The following LDB3 variants were observed in gnomAD, a reference collection of about 807,000 sequenced individuals.
LDB3 encodes LIM domain-binding protein 3.
Under a neutral mutation model 69.0 loss-of-function variants are expected in LDB3, and 49 were observed. The observed-to-expected ratio is 0.71, with a 90% confidence interval of 0.56 to 0.90. The LOEUF (loss-of-function observed/expected upper bound fraction) is 0.90, where lower values mean the gene tolerates loss of function less well. Among genes scored for constraint, LDB3 ranks in the 40% least tolerant of loss-of-function variants. LDB3 has a pLI of 0.00. For missense variants in LDB3, 928 were observed against 974.1 expected (o/e 0.95, Z 0.63); for synonymous variants, 387 against 396.2 (o/e 0.98, Z 0.28).
At chr10:86,720,334 C>T (rs932224922) in intron 12 of LDB3, among the ~76,000 whole-genome samples, 2 of 152,036 alleles carry the variant, frequency 1.3e-5, no homozygotes, top group African/African-American at 2.4e-5. Context: ...ATCCCAGCTA[C>T]TCGGGAGGCT....
intron 2 of LDB3, among the ~76,000 whole-genome samples, chr10:86,675,182 GCAT>G (rs1224867030): frequency 2.1e-5 from 3 of 140,304 alleles, no homozygotes; most frequent in African/African-American, 7.3e-5. Flanking sequence ...TTGGGAGCAA[GCAT>G]CCCCCCGGCC....
In LDB3 at chr10:86,709,888, T is replaced by C; in HGVS notation, c.1086-17T>C. On this transcript the variant is annotated splice_polypyrimidine_tract_variant and intron_variant, in intron 8 of 13. Coordinates refer to ENST00000361373, the MANE Select transcript of LDB3 (RefSeq NM_007078.3). ...GGGCTGTCCTTCTGGGTGTAACCCC[T>C]CCCCGCTTGGTTCCAGGCCCCAGGC... 6.2e-7 allele frequency: 1 copy of C among 1,607,088 alleles called. No individual in the cohort carries two copies. Among genetic ancestry groups the C allele is most frequent in the Non-Finnish European group, 8.5e-7 (1 of 1,179,894 alleles).
At chr10:86,687,999 T>C (rs1845576552) in intron 5 of LDB3, among the ~76,000 whole-genome samples, 1 of 151,860 alleles carries the variant, frequency 6.6e-6, no homozygotes, top group African/African-American at 2.4e-5. Flanking sequence ...GTATGTCTCT[T>C]TCTGTCTTCC....
intron 2 of LDB3, among the ~76,000 whole-genome samples, chr10:86,675,527 C>T (rs1448166060): frequency 6.6e-6 from 1 of 152,270 alleles, no homozygotes; most frequent in African/African-American, 2.4e-5. Context: ...GGGACGACCC[C>T]TTCTCTGTAG....
rs1030546921 is a variant in LDB3 at position 86,706,624 on chromosome 10, T to C, written c.990T>C (p.Ser330=). 3.7e-6 allele frequency: 6 copies of C among 1,613,050 alleles called. No homozygotes were observed. The highest frequency in any genetic ancestry group is 1.7e-5 in the Admixed American group (1 of 59,988). Residue 330 remains serine, a synonymous_variant, in exon 8 of 14, where the codon AGT becomes AGC. Coordinates refer to ENST00000361373, the MANE Select transcript of LDB3 (RefSeq NM_007078.3). ...AGCCACCTGCTGCTGCCTCTCCCAG[T>C]GCGGCTTCGCCACCCCTGGCCACAG... ...SAQPPAAASP[S]AASPPLATAA...
At chr10:86,720,000 C>T (rs1847018761) in intron 12 of LDB3, among the ~76,000 whole-genome samples, 1 of 152,094 alleles carries the variant, frequency 6.6e-6, no homozygotes, top group East Asian at 1.9e-4. Context: ...AATAACAGAG[C>T]TGCAGGGACT....
At chr10:86,692,926 A>G (rs1845835380) in intron 7 of LDB3, among the ~76,000 whole-genome samples, 1 of 152,188 alleles carries the variant, frequency 6.6e-6, no homozygotes, top group Admixed American at 6.5e-5. Context: ...CCACCCACTC[A>G]TCTCAGGGCC....
intron 9 of LDB3, 25 bp downstream of exon 9, chr10:86,710,075 G>A: frequency 2.5e-6 from 4 of 1,610,038 alleles, no homozygotes; most frequent in South Asian, 1.1e-5. Context: ...AGGAGGGGAG[G>A]CTGTCGAAAG....
At chr10:86,729,556 T>C (rs781778349) in intron 13 of LDB3, among the ~76,000 whole-genome samples, 3 of 152,188 alleles carry the variant, frequency 2.0e-5, no homozygotes, top group Non-Finnish European at 4.4e-5. Context: ...GTCAGCACTG[T>C]CCATGGTCGC....
chr10:86,696,962 T>C (rs938265941), intron 7 of LDB3, among the ~76,000 whole-genome samples: 12 of 152,186 alleles, frequency 7.9e-5, no homozygotes, highest in African/African-American at 1.2e-4. Flanking sequence ...TTTTCAAATA[T>C]GTTATATGTT....
At chr10:86,732,182 G>C (rs1847491236) in intron 13 of LDB3, among the ~76,000 whole-genome samples, 1 of 151,598 alleles carries the variant, frequency 6.6e-6, no homozygotes, top group Admixed American at 6.6e-5. Context: ...TTAATTATTA[G>C]TGAGTACAAT....
chr10:86,718,202 G>C, intron 11 of LDB3, 58 bp downstream of exon 11: 1 of 1,527,072 alleles, frequency 6.5e-7, no homozygotes, highest in Admixed American at 1.7e-5. Context: ...CCTTCCCCAA[G>C]ATCGTGGGAT....
chr10:86,674,522 T>C (rs1045746784), intron 2 of LDB3, among the ~76,000 whole-genome samples: 2 of 152,188 alleles, frequency 1.3e-5, no homozygotes, highest in African/African-American at 4.8e-5. Context: ...GCAGCCTTTC[T>C]TGGGGGCTTT....
At chr10:86,700,009 G>A (rs1225461709) in intron 7 of LDB3, 8 of 986,932 alleles carry the variant, frequency 8.1e-6, no homozygotes, top group Non-Finnish European at 9.6e-6. Flanking sequence ...GTACATATAA[G>A]CATGCTTGTT....
Position 86,721,342 on chromosome 10 carries a change from G to A in LDB3, c.1978+2495G>A, listed in dbSNP as rs1589680275. On this transcript the variant is annotated intron_variant, in intron 12 of 13. Transcript: ENST00000361373. ...CAACAATTTGGAAGAAGACACAGAA[G>A]GGAGTCCTGTCAAATCTGCAGATTG... is the stretch of plus-strand genomic sequence containing the variant. 2.0e-5 allele frequency among the ~76,000 whole-genome samples: 3 copies of A among 152,222 alleles called. No homozygotes were observed. In the South Asian group the frequency reaches 6.2e-4, roughly 32 times the overall value.
intron 12 of LDB3, among the ~76,000 whole-genome samples, chr10:86,723,577 G>A (rs1044989688): frequency 2.0e-5 from 3 of 152,222 alleles, no homozygotes; most frequent in Non-Finnish European, 4.4e-5. Flanking sequence ...GAAGTCGTAA[G>A]TGGGTGCAGG....
chr10:86,668,842 C>T, intron 2 of LDB3, 58 bp downstream of exon 2: 5 of 1,270,426 alleles, frequency 3.9e-6, no homozygotes, highest in Non-Finnish European at 5.7e-6. Flanking sequence ...TGGAGGAGGG[C>T]ATGTGTGTCC....
chr10:86,676,551 C>T (rs1416465518), intron 2 of LDB3, among the ~76,000 whole-genome samples: 2 of 119,422 alleles, frequency 1.7e-5, no homozygotes, highest in African/African-American at 6.5e-5. Flanking sequence ...GGCATCAGAG[C>T]AAGACCCTGT....
Position 86,691,885 on chromosome 10 carries a change from C to G in LDB3, c.690-11C>G. 6.2e-7 allele frequency: 1 copy of G among 1,614,108 alleles called. No individual in the cohort carries two copies. On this transcript the variant is annotated splice_polypyrimidine_tract_variant and intron_variant, in intron 5 of 13. Transcript: ENST00000361373. The stretch of plus-strand genomic sequence containing the variant: ...CCTAGCCCTCGCCCACGGCCTCTCT[C>G]TGCATTACAGGAGCCTCCCTATTAA...
Sources: gnomAD v4.1 joint callset for allele counts (sites outside exome capture counted in the v4.1 genomes callset) on GRCh38, gnomAD v4.1.1 for gene constraint, MANE v1.5 for transcripts, NCBI Gene and HGNC (gene_info 2026-07-23, HGNC 2026-07-21) for gene names.